Variants in CHMP4B observed in about 807,000 individuals in gnomAD.
The protein encoded by CHMP4B is charged multivesicular body protein 4B, also known as SNF7 homolog associated with Alix 1.
In CHMP4B, 1 loss-of-function variant was observed where a neutral mutation model predicts 25.1. That is an observed-to-expected ratio of 0.04 (90% CI 0.01 to 0.19). The LOEUF is 0.19. CHMP4B is among the 10% of genes least tolerant of loss of function. The pLI is 1.00. For missense variants in CHMP4B, 151 were observed against 289.7 expected, an observed-to-expected ratio of 0.52 and a Z score of 3.48; for synonymous variants, 101 against 115.6, an observed-to-expected ratio of 0.87 and a Z score of 0.81.
At chr20:33,849,761 T>C (rs950452857) in intron 2 of CHMP4B, among the ~76,000 whole-genome samples, 26 of 152,210 alleles carry the variant, frequency 1.7e-4, no homozygotes, top group East Asian at 9.7e-4. Context: ...TTGCCATCTG[T>C]TTTTGTAAAT....
At chr20:33,845,613 G>A (rs561086657) in intron 1 of CHMP4B, among the ~76,000 whole-genome samples, 5 of 152,098 alleles carry the variant, frequency 3.3e-5, no homozygotes, top group Admixed American at 6.5e-5. Context: ...GTGAGCCAGC[G>A]TGCCTGGTAT....
At chr20:33,838,120 G>A (rs887970611) in intron 1 of CHMP4B, among the ~76,000 whole-genome samples, 3 of 152,156 alleles carry the variant, frequency 2.0e-5, no homozygotes, top group Non-Finnish European at 4.4e-5. Context: ...TCTCCTGTTC[G>A]GGCACCTGGC....
Position 33,854,043 on chromosome 20 carries a change from C to A in CHMP4B, c.*483C>A. The stretch of plus-strand genomic sequence containing the variant: ...CTTGCCCTTAGCTGTAATAATGCAT[C>A]TGATTTTGATTTCCTCCAGAGCTGT... On this transcript the variant is annotated 3_prime_UTR_variant, in exon 5 of 5. Transcript: ENST00000217402. The A allele has an allele frequency of 4.7e-6, 1 of 211,918 alleles. No homozygotes were observed. Among genetic ancestry groups the A allele is most frequent in the Non-Finnish European group, 9.7e-6 (1 of 103,172 alleles). The allele number at this position is 211,918 out of a possible 1,614,324, so 13.1% of individuals were successfully genotyped here.
chr20:33,831,649 C>G (rs892295598), intron 1 of CHMP4B, among the ~76,000 whole-genome samples: 1 of 152,238 alleles, frequency 6.6e-6, no homozygotes, highest in East Asian at 1.9e-4. Context: ...GCTAGGATTA[C>G]AGGCATGAGC....
At chr20:33,839,710 C>T (rs1036809509) in intron 1 of CHMP4B, among the ~76,000 whole-genome samples, 2 of 152,132 alleles carry the variant, frequency 1.3e-5, no homozygotes, top group African/African-American at 4.8e-5. Flanking sequence ...TCCCCAGGCT[C>T]AGGCAGAAGC....
chr20:33,853,004 G>A (rs557634715), intron 4 of CHMP4B, among the ~76,000 whole-genome samples: 61 of 152,304 alleles, frequency 4.0e-4, no homozygotes, highest in African/African-American at 1.5e-3. Flanking sequence ...ACCAGCTGTG[G>A]TCACCTCCCT....
intron 1 of CHMP4B, among the ~76,000 whole-genome samples, chr20:33,828,312 T>C (rs1442204303): frequency 6.6e-6 from 1 of 152,136 alleles, no homozygotes; most frequent in African/African-American, 2.4e-5. Flanking sequence ...ATGACACCTA[T>C]CTCCTCATTC....
At chr20:33,826,158 T>C (rs150973050) in intron 1 of CHMP4B, among the ~76,000 whole-genome samples, 1 of 152,092 alleles carries the variant, frequency 6.6e-6, no homozygotes, top group Non-Finnish European at 1.5e-5. Flanking sequence ...TCAGTCAAAG[T>C]ATGGTAGGAG....
chr20:33,827,730 C>T (rs1249469978), intron 1 of CHMP4B, among the ~76,000 whole-genome samples: 3 of 152,182 alleles, frequency 2.0e-5, no homozygotes, highest in African/African-American at 7.2e-5. Flanking sequence ...CAGGTTCAAG[C>T]CCTACTGGAC....
intron 1 of CHMP4B, among the ~76,000 whole-genome samples, chr20:33,845,790 A>T (rs752599163): frequency 9.9e-5 from 15 of 152,176 alleles, no homozygotes; most frequent in African/African-American, 3.4e-4. Flanking sequence ...GTGGAAAAGG[A>T]ACACAGCACC....
chr20:33,833,554 C>T (rs1264175657), intron 1 of CHMP4B, among the ~76,000 whole-genome samples: 1 of 152,242 alleles, frequency 6.6e-6, no homozygotes, highest in African/African-American at 2.4e-5. Flanking sequence ...TAAATCTGAT[C>T]ACGTTCCTGT....
At chr20:33,824,435 G>T (rs181731095) in intron 1 of CHMP4B, among the ~76,000 whole-genome samples, 121 of 152,300 alleles carry the variant, frequency 7.9e-4, no homozygotes, top group Middle Eastern at 3.4e-3. Flanking sequence ...GTTGGGGTTG[G>T]GGTGTGGGGG....
At chr20:33,832,561 T>A (rs945159190) in intron 1 of CHMP4B, among the ~76,000 whole-genome samples, 1 of 152,188 alleles carries the variant, frequency 6.6e-6, no homozygotes, top group African/African-American at 2.4e-5. Flanking sequence ...TTGTTTTGAT[T>A]AGGTAGTCAT....
At chr20:33,836,748 G>T (rs1979403052) in intron 1 of CHMP4B, among the ~76,000 whole-genome samples, 1 of 152,130 alleles carries the variant, frequency 6.6e-6, no homozygotes, top group Non-Finnish European at 1.5e-5. Flanking sequence ...TCAGGAAGTT[G>T]CTGGGCTCTG....
intron 2 of CHMP4B, among the ~76,000 whole-genome samples, chr20:33,850,414 T>A (rs1449048228): frequency 1.3e-5 from 2 of 152,210 alleles, no homozygotes; most frequent in African/African-American, 4.8e-5. Context: ...AATGTTGACG[T>A]ATATGTGTGT....
chr20:33,817,964 A>G (rs1490081591), intron 1 of CHMP4B, among the ~76,000 whole-genome samples: 1 of 152,190 alleles, frequency 6.6e-6, no homozygotes, highest in Admixed American at 6.5e-5. Context: ...TCCCAGTTTG[A>G]ATGCAGCTTT....
intron 1 of CHMP4B, among the ~76,000 whole-genome samples, chr20:33,822,114 T>C (rs1274328371): frequency 6.6e-6 from 1 of 151,874 alleles, no homozygotes; most frequent in Non-Finnish European, 1.5e-5. Context: ...TGTGAGCTGC[T>C]GCACACGGCC....
At chr20:33,830,316 T>C (rs983308806) in intron 1 of CHMP4B, among the ~76,000 whole-genome samples, 13 of 152,174 alleles carry the variant, frequency 8.5e-5, no homozygotes, top group African/African-American at 2.9e-4. Flanking sequence ...GTATGGGGGA[T>C]ACTGTGGCCA....
In CHMP4B at chr20:33,821,379, T is replaced by G. The variant is rs1260125719; in HGVS notation, c.190+9721T>G. ...TCCAGCCTGGGTGACAGAGCAAGACTCCATCTCAAAAAAAAAAAAAAAAAA... is the reference window on the plus strand; with the variant it reads ...TCCAGCCTGGGTGACAGAGCAAGACGCCATCTCAAAAAAAAAAAAAAAAAA... On this transcript the variant is annotated intron_variant, in intron 1 of 4. Transcript: ENST00000217402. 1.3e-4 allele frequency among the ~76,000 whole-genome samples: 14 copies of G among 110,144 alleles called. 1 individual carries two copies. Among genetic ancestry groups the G allele is most frequent in the Admixed American group, 2.2e-4 (2 of 9,162 alleles). 72.3% of individuals were successfully genotyped at this position (110,144 alleles called of 152,430 possible).
Sources: gnomAD v4.1 joint callset for allele counts (sites outside exome capture counted in the v4.1 genomes callset) on GRCh38, gnomAD v4.1.1 for gene constraint, MANE v1.5 for transcripts, NCBI Gene and HGNC (gene_info 2026-07-23, HGNC 2026-07-21) for gene names.